The following USP54 variants were observed in gnomAD, a reference collection of about 807,000 sequenced individuals.
The protein encoded by USP54 is ubiquitin specific peptidase 54, also known as ubiquitin carboxyl-terminal hydrolase 54.
Under a neutral mutation model 170.5 loss-of-function variants are expected in USP54, and 87 were observed. The observed-to-expected ratio is 0.51, with a 90% CI of 0.43 to 0.61. The LOEUF is 0.61. Ranked by LOEUF, USP54 falls within the 20% of genes least tolerant of loss-of-function variation. USP54 has a pLI of 0.00. For missense variants in USP54, 1,786 were observed against 2,047.8 expected (o/e 0.87, Z 2.47); for synonymous variants, 655 against 742.8 (o/e 0.88, Z 1.92).
At chr10:73,603,476 T>C (rs1028654591) in intron 1 of USP54, among the ~76,000 whole-genome samples, 2 of 151,768 alleles carry the variant, frequency 1.3e-5, no homozygotes, top group African/African-American at 4.8e-5. Flanking sequence ...GCACTTTGGG[T>C]GGCCAAGGCG....
chr10:73,551,244 T>C (rs1209049982), intron 4 of USP54, among the ~76,000 whole-genome samples: 1 of 152,194 alleles, frequency 6.6e-6, no homozygotes, highest in Non-Finnish European at 1.5e-5. Context: ...CTCCATATGA[T>C]GTGGGAGAGG....
intron 11 of USP54, among the ~76,000 whole-genome samples, chr10:73,535,453 A>G (rs971393332): frequency 6.6e-6 from 1 of 152,154 alleles, no homozygotes; most frequent in African/African-American, 2.4e-5. Flanking sequence ...AAAGTCAAGT[A>G]TCTTCTCTTT....
intron 17 of USP54, 25 bp downstream of exon 17, chr10:73,523,558 A>G: frequency 6.4e-7 from 1 of 1,565,576 alleles, no homozygotes; most frequent in East Asian, 2.3e-5. Flanking sequence ...CCCATCACCC[A>G]CAACCTAATG....
At chr10:73,561,307 G>A (rs566685474) in intron 4 of USP54, among the ~76,000 whole-genome samples, 16 of 151,974 alleles carry the variant, frequency 1.1e-4, no homozygotes, top group Non-Finnish European at 1.8e-4. Flanking sequence ...AACAATCATA[G>A]TTCTAGATAG....
At chr10:73,587,675 T>C (rs149870851) in intron 1 of USP54, among the ~76,000 whole-genome samples, 2 of 152,296 alleles carry the variant, frequency 1.3e-5, no homozygotes, top group African/African-American at 4.8e-5. Flanking sequence ...ACCAAGTTAT[T>C]GAACTAACTC....
intron 12 of USP54, among the ~76,000 whole-genome samples, chr10:73,531,239 C>T (rs961236665): frequency 4.0e-5 from 6 of 150,552 alleles, no homozygotes; most frequent in Non-Finnish European, 7.4e-5. Context: ...TGCAGTGAGC[C>T]GAGATCACGC....
chr10:73,597,423 C>T (rs1345429444), intron 1 of USP54, among the ~76,000 whole-genome samples: 2 of 152,098 alleles, frequency 1.3e-5, no homozygotes, highest in African/African-American at 2.4e-5. Flanking sequence ...TTTTTCAAAC[C>T]CTGAACTCAA....
At chr10:73,531,907 G>T (rs934688522) in intron 12 of USP54, among the ~76,000 whole-genome samples, 2 of 151,990 alleles carry the variant, frequency 1.3e-5, no homozygotes, top group East Asian at 3.9e-4. Context: ...AGAAGCCAGA[G>T]ATGAATTAAG....
chr10:73,573,962 AT>A (rs2075694890), intron 3 of USP54, among the ~76,000 whole-genome samples: 1 of 152,216 alleles, frequency 6.6e-6, no homozygotes, highest in African/African-American at 2.4e-5. Flanking sequence ...TATACTAAAT[AT>A]CTTGTCTTCT....
intron 4 of USP54, among the ~76,000 whole-genome samples, chr10:73,569,608 T>C (rs1161766062): frequency 1.3e-5 from 2 of 151,510 alleles, no homozygotes; most frequent in African/African-American, 2.4e-5. Flanking sequence ...AAAAATTAGC[T>C]AGGGCGTGGT....
chr10:73,562,893 A>G (rs1460155664), intron 4 of USP54, among the ~76,000 whole-genome samples: 1 of 152,152 alleles, frequency 6.6e-6, no homozygotes, highest in Admixed American at 6.5e-5. Flanking sequence ...AGTGATATCA[A>G]TTTATATTCT....
intron 4 of USP54, among the ~76,000 whole-genome samples, chr10:73,546,281 CATATATATCCCTAAATAATACATAGG>C (rs1339699055): frequency 6.6e-6 from 1 of 152,166 alleles, no homozygotes; most frequent in African/African-American, 2.4e-5. Flanking sequence ...AATAGTTTTA[CATATATATCCCTAAATAATACATAGG>C]ATACTTTTGT....
chr10:73,531,857 CA>C (rs774911481), intron 12 of USP54, among the ~76,000 whole-genome samples: 45 of 151,596 alleles, frequency 3.0e-4, no homozygotes, highest in Non-Finnish European at 4.7e-4. Context: ...TTGATGACAG[CA>C]AAAGTCAGAT....
intron 1 of USP54, among the ~76,000 whole-genome samples, chr10:73,617,815 T>A (rs1297373470): frequency 6.7e-6 from 1 of 149,428 alleles, no homozygotes; most frequent in Non-Finnish European, 1.5e-5. Context: ...GAGGCTGAGG[T>A]GAGAGGATTG....
intron 4 of USP54, among the ~76,000 whole-genome samples, chr10:73,562,126 A>AG (rs2073213648): frequency 2.0e-5 from 3 of 151,942 alleles, no homozygotes; most frequent in African/African-American, 2.4e-5. Flanking sequence ...GAGAGAGAGA[A>AG]AAAAATTACA....
chr10:73,546,879 C>G (rs2067960612), intron 4 of USP54, among the ~76,000 whole-genome samples: 1 of 152,128 alleles, frequency 6.6e-6, no homozygotes, highest in African/African-American at 2.4e-5. Flanking sequence ...CCAACTTATA[C>G]TTCTACCAAT....
intron 12 of USP54, among the ~76,000 whole-genome samples, chr10:73,532,287 C>T (rs2064158594): frequency 1.3e-5 from 2 of 152,188 alleles, no homozygotes; most frequent in Non-Finnish European, 2.9e-5. Flanking sequence ...ATTCTCCTGC[C>T]TCAGCCTCCT....
At chr10:73,554,093 G>C (rs1156258676) in intron 4 of USP54, among the ~76,000 whole-genome samples, 1 of 152,130 alleles carries the variant, frequency 6.6e-6, no homozygotes, top group East Asian at 1.9e-4. Flanking sequence ...TCTTTAAGTG[G>C]GGAACAGCTG....
At position 73,529,745 on chromosome 10, in the gene USP54, ACTG is replaced by A; in HGVS notation, c.1992_1994del (p.Ser665del). The A allele has an allele frequency of 6.2e-7, 1 of 1,613,992 alleles. No homozygotes were observed. Among genetic ancestry groups the A allele is most frequent in the African/African-American group, 1.3e-5 (1 of 75,038 alleles). ...TGACAGGGCTGCTGCTGTTCCTCTC[ACTG>A]CTTTCATAGCCAGATTCCATTCGCT... On this transcript the variant is annotated inframe_deletion, in exon 15 of 24. Transcript: ENST00000687698.
Sources: allele counts gnomAD v4.1 joint callset (sites outside exome capture counted in the v4.1 genomes callset), GRCh38; gene constraint gnomAD v4.1.1; transcripts MANE v1.5; gene names NCBI Gene and HGNC (gene_info 2026-07-23, HGNC 2026-07-21).